The following SUGCT variants were observed in gnomAD, a reference collection of about 807,000 sequenced individuals.
SUGCT encodes succinyl-CoA:glutarate-CoA transferase, also known as succinyl-CoA:glutarate CoA-transferase.
SUGCT carries 41 observed loss-of-function variants against 55.0 expected under a neutral mutation model. The observed-to-expected ratio is 0.74, with a 90% CI of 0.58 to 0.97. The LOEUF (loss-of-function observed/expected upper bound fraction) is 0.97, where lower values mean the gene tolerates loss of function less well. Among genes scored for constraint, SUGCT ranks in the 50% least tolerant of loss-of-function variants. The pLI, the probability that SUGCT is intolerant of heterozygous loss-of-function variation, is 0.00. For synonymous variants in SUGCT, 187 were observed against 200.4 expected (o/e 0.93, Z 0.56); for missense variants, 568 against 547.8 (o/e 1.04, Z -0.37).
the SUGCT span, among the ~76,000 whole-genome samples, chr7:41,012,844 A>G: frequency 6.6e-6 from 1 of 152,244 alleles, no homozygotes; most frequent in South Asian, 2.1e-4. Context: ...TATTTTTTGA[A>G]TCTCAGAATC....
the SUGCT span, among the ~76,000 whole-genome samples, chr7:40,904,039 A>G: frequency 1.3e-5 from 2 of 152,180 alleles, no homozygotes; most frequent in Admixed American, 6.5e-5. Flanking sequence ...TAGCCGGCCA[A>G]CCACCCTCAG....
chr7:40,199,811 G>A (rs1318409541), intron 6 of SUGCT, among the ~76,000 whole-genome samples: 1 of 150,324 alleles, frequency 6.7e-6, no homozygotes, highest in Non-Finnish European at 1.5e-5. Context: ...TTTTTTAAAG[G>A]AAGAGGGTTT....
intron 13 of SUGCT, among the ~76,000 whole-genome samples, chr7:40,845,302 T>C (rs1291378746): frequency 6.6e-6 from 1 of 152,158 alleles, no homozygotes; most frequent in African/African-American, 2.4e-5. Context: ...CAACATTAAG[T>C]TAGCCTAAAC....
chr7:40,635,830 G>T (rs931552716), intron 12 of SUGCT, among the ~76,000 whole-genome samples: 3 of 152,156 alleles, frequency 2.0e-5, no homozygotes, highest in Non-Finnish European at 4.4e-5. Flanking sequence ...AGATACCCAG[G>T]TATCACTGGA....
At chr7:40,985,436 A>T in the SUGCT span, among the ~76,000 whole-genome samples, 1 of 152,210 alleles carries the variant, frequency 6.6e-6, no homozygotes, top group African/African-American at 2.4e-5. Context: ...GTGCCTGGAA[A>T]ATGCACTAAA....
chr7:40,945,095 A>G, the SUGCT span, among the ~76,000 whole-genome samples: 136 of 152,204 alleles, frequency 8.9e-4, no homozygotes, highest in African/African-American at 3.1e-3. Flanking sequence ...GGGGATATCT[A>G]TGGGTAAAAA....
intron 6 of SUGCT, among the ~76,000 whole-genome samples, chr7:40,226,397 G>T (rs560325651): frequency 6.6e-6 from 1 of 152,212 alleles, no homozygotes; most frequent in African/African-American, 2.4e-5. Context: ...GAAGTGAAAT[G>T]CTGTAAGACT....
chr7:40,499,309 CTACTTCTCAAGTAG>C, intron 12 of SUGCT: 1 of 273,014 alleles, frequency 3.7e-6, no homozygotes, highest in East Asian at 1.1e-4. Context: ...ATTTGAGTGC[CTACTTCTCAAGTAG>C]ACCATTTACA....
chr7:41,010,639 G>A, the SUGCT span, among the ~76,000 whole-genome samples: 1 of 152,292 alleles, frequency 6.6e-6, no homozygotes, highest in South Asian at 2.1e-4. Context: ...GAGTTTGAAG[G>A]CAATGGTCAG....
intron 7 of SUGCT, among the ~76,000 whole-genome samples, chr7:40,267,278 A>G (rs957843520): frequency 1.3e-5 from 2 of 152,172 alleles, no homozygotes; most frequent in African/African-American, 4.8e-5. Flanking sequence ...CTCTCTGACA[A>G]AAGGGTTACA....
chr7:40,318,163 T>C (rs554828152), intron 9 of SUGCT, among the ~76,000 whole-genome samples: 1 of 152,348 alleles, frequency 6.6e-6, no homozygotes, highest in Non-Finnish European at 1.5e-5. Context: ...ATACCTAGAT[T>C]GGGCAGATGA....
chr7:41,015,429 AT>A, the SUGCT span, among the ~76,000 whole-genome samples: 1 of 152,140 alleles, frequency 6.6e-6, no homozygotes, highest in Admixed American at 6.5e-5. Context: ...CTGCCGTCAT[AT>A]TTTTAAAATG....
chr7:40,805,461 C>CA (rs368676197), intron 13 of SUGCT, among the ~76,000 whole-genome samples: 6 of 151,954 alleles, frequency 3.9e-5, no homozygotes, highest in African/African-American at 1.2e-4. Flanking sequence ...GGCATGAGGC[C>CA]AAAAAAGCAT....
At chr7:40,773,641 A>G (rs1482235405) in intron 13 of SUGCT, among the ~76,000 whole-genome samples, 5 of 152,136 alleles carry the variant, frequency 3.3e-5, no homozygotes, top group Admixed American at 3.3e-4. Flanking sequence ...CTTTGCCTGC[A>G]GAGATACTTT....
intron 12 of SUGCT, among the ~76,000 whole-genome samples, chr7:40,583,315 G>A (rs1342691915): frequency 6.6e-6 from 1 of 152,050 alleles, no homozygotes; most frequent in Non-Finnish European, 1.5e-5. Flanking sequence ...AGTATAGAGG[G>A]AGATAGATTT....
intron 13 of SUGCT, among the ~76,000 whole-genome samples, chr7:40,847,391 T>C (rs568568822): frequency 6.7e-6 from 1 of 149,098 alleles, no homozygotes; most frequent in African/African-American, 2.4e-5. Flanking sequence ...AGATGACATA[T>C]ACATTTCTTT....
At chr7:40,279,810 C>T (rs990291320) in intron 8 of SUGCT, among the ~76,000 whole-genome samples, 1 of 151,932 alleles carries the variant, frequency 6.6e-6, no homozygotes, top group Non-Finnish European at 1.5e-5. Context: ...TTTGTAGGTA[C>T]TTTTCAAAAA....
chr7:40,179,715 TG>T (rs1173012932), intron 1 of SUGCT, among the ~76,000 whole-genome samples: 1 of 152,244 alleles, frequency 6.6e-6, no homozygotes, highest in Non-Finnish European at 1.5e-5. Context: ...ACTGCTGCAA[TG>T]ATAGTCTCAG....
chr7:40,449,623 AT>A (rs1380395792), intron 10 of SUGCT, among the ~76,000 whole-genome samples: 1 of 152,096 alleles, frequency 6.6e-6, no homozygotes, highest in Non-Finnish European at 1.5e-5. Flanking sequence ...TGGGGGAATC[AT>A]TTTTAGAGGG....
Sources: gnomAD v4.1 joint callset for allele counts (sites outside exome capture counted in the v4.1 genomes callset) on GRCh38, gnomAD v4.1.1 for gene constraint, MANE v1.5 for transcripts, NCBI Gene and HGNC (gene_info 2026-07-23, HGNC 2026-07-21) for gene names.